The following TMEM45B variants were observed in gnomAD, a reference collection of about 807,000 sequenced individuals.
TMEM45B encodes the protein transmembrane protein 45B.
In TMEM45B, 29 loss-of-function variants were observed where a neutral mutation model predicts 27.3. The observed-to-expected ratio is 1.06, with a 90% CI of 0.79 to 1.45. The LOEUF is 1.45. TMEM45B is among the 40% of genes most tolerant of loss of function. The pLI is 0.00. For missense variants in TMEM45B, 348 were observed against 343.9 expected (o/e 1.01, Z -0.09); for synonymous variants, 143 against 134.7 (o/e 1.06, Z -0.43).
At chr11:129,853,808 G>T (rs1947882452) in intron 2 of TMEM45B, among the ~76,000 whole-genome samples, 3 of 152,204 alleles carry the variant, frequency 2.0e-5, no homozygotes, top group Admixed American at 2.0e-4. Context: ...GGTCTGGCTT[G>T]AGAAACAAGT....
chr11:129,839,764 G>C (rs934117621), intron 1 of TMEM45B, among the ~76,000 whole-genome samples: 3 of 152,102 alleles, frequency 2.0e-5, no homozygotes, highest in African/African-American at 7.2e-5. Flanking sequence ...TGAACACCTG[G>C]GCTCAAGCAA....
At chr11:129,830,668 G>A (rs1312505598) in intron 1 of TMEM45B, among the ~76,000 whole-genome samples, 2 of 152,172 alleles carry the variant, frequency 1.3e-5, no homozygotes, top group South Asian at 4.1e-4. Context: ...CAATGTATTT[G>A]AGTAGGCATT....
intron 1 of TMEM45B, among the ~76,000 whole-genome samples, chr11:129,833,065 A>C (rs7926288): frequency 0.019 from 2,893 of 151,842 alleles, 35 homozygotes; most frequent in Non-Finnish European, 0.029. Context: ...AACATGGTGA[A>C]ACCCCATCTC....
chr11:129,839,005 G>A (rs1409565792), intron 1 of TMEM45B, among the ~76,000 whole-genome samples: 2 of 152,022 alleles, frequency 1.3e-5, no homozygotes, highest in Admixed American at 6.6e-5. Context: ...TCTCTCTTCT[G>A]TGACTCTGCT....
In TMEM45B at chr11:129,845,355, G is replaced by GTT. The variant is rs1312385527; in HGVS notation, c.-8-7119_-8-7118insTT. ...ATTATAGATGTGTGTGTGTGTGTGT[G>GTT]TGTGTGTGTGTGTATGCATGAAGGA... On this transcript the variant is annotated intron_variant, in intron 1 of 5. Coordinates refer to ENST00000281441, the MANE Select transcript of TMEM45B (RefSeq NM_138788.5). Among the ~76,000 whole-genome samples the GTT allele has an allele frequency of 4.7e-5, 7 of 150,478 alleles. 1 individual carries two copies. The highest frequency in any genetic ancestry group is 4.2e-4 in the South Asian group (2 of 4,742).
At chr11:129,832,745 G>A (rs1397444741) in intron 1 of TMEM45B, among the ~76,000 whole-genome samples, 2 of 152,246 alleles carry the variant, frequency 1.3e-5, no homozygotes, top group East Asian at 3.9e-4. Context: ...TATGTCATTA[G>A]GAGTGGGTTT....
At chr11:129,827,583 C>G (rs907357857) in intron 1 of TMEM45B, among the ~76,000 whole-genome samples, 1 of 152,058 alleles carries the variant, frequency 6.6e-6, no homozygotes, top group Non-Finnish European at 1.5e-5. Context: ...GCAGGCAGAT[C>G]ACGTGAGGTC....
At chr11:129,828,265 C>G (rs1335496938) in intron 1 of TMEM45B, 1 of 152,198 alleles carries the variant, frequency 6.6e-6, no homozygotes, top group Non-Finnish European at 1.5e-5. Flanking sequence ...TAACAGAATT[C>G]TTTTTCATAG....
At chr11:129,846,304 C>A (rs1947759833) in intron 1 of TMEM45B, among the ~76,000 whole-genome samples, 1 of 152,130 alleles carries the variant, frequency 6.6e-6, no homozygotes, top group African/African-American at 2.4e-5. Context: ...CCTGTCTCTA[C>A]TAAAAATACA....
intron 1 of TMEM45B, among the ~76,000 whole-genome samples, chr11:129,817,927 GC>G (rs1251791907): frequency 6.6e-6 from 1 of 152,136 alleles, no homozygotes; most frequent in African/African-American, 2.4e-5. Context: ...CCTTGCTATT[GC>G]AAAACTTTTT....
chr11:129,815,861 G>C lies in TMEM45B; in HGVS notation c.-46G>C, dbSNP rs1392310439. On this transcript the variant is annotated 5_prime_UTR_variant, in exon 1 of 6. Coordinates refer to ENST00000281441, the MANE Select transcript of TMEM45B (RefSeq NM_138788.5). ...TTCTGGGCGGACGCACTTGGCGCGC[G>C]GCGCGGGCTGCAGACGGCTGCGAGG... The C allele has an allele frequency of 1.1e-5, 15 of 1,308,936 alleles. No homozygotes were observed. Among genetic ancestry groups the C allele is most frequent in the Non-Finnish European group, 1.4e-5 (15 of 1,037,402 alleles). 81.1% of individuals were successfully genotyped at this position (1,308,936 alleles called of 1,614,324 possible). A position where few individuals can be genotyped will look rare whatever the true frequency, so the allele number is the denominator to read the frequency against.
chr11:129,830,196 G>C (rs541719366), intron 1 of TMEM45B, among the ~76,000 whole-genome samples: 2 of 152,132 alleles, frequency 1.3e-5, no homozygotes, highest in African/African-American at 2.4e-5. Context: ...GTGTGGTGGC[G>C]CATGCCTGTA....
rs1187040126 is a variant in TMEM45B at position 129,858,790 on chromosome 11, A to G, written c.*105A>G. The G allele has an allele frequency of 4.0e-6, 3 of 755,808 alleles. No homozygotes were observed. The highest frequency in any genetic ancestry group is 6.3e-6 in the Non-Finnish European group (3 of 475,790). 46.8% of individuals were successfully genotyped at this position (755,808 alleles called of 1,614,324 possible). On this transcript the variant is annotated 3_prime_UTR_variant, in exon 6 of 6. Transcript: ENST00000281441. ...GTGGTCTGATCTTAAGGGTCTATAT[A>G]TTTGCACCTCCTCATTCAACACAGG...
intron 1 of TMEM45B, among the ~76,000 whole-genome samples, chr11:129,834,091 G>T (rs1947587380): frequency 6.6e-6 from 1 of 152,288 alleles, no homozygotes; most frequent in South Asian, 2.1e-4. Context: ...GTTTGGAGGT[G>T]CATGTTGGAA....
intron 1 of TMEM45B, among the ~76,000 whole-genome samples, chr11:129,849,932 A>ATTTTCCGAAATGC (rs1565371866): frequency 4.7e-4 from 72 of 152,188 alleles, no homozygotes; most frequent in African/African-American, 1.5e-3. Flanking sequence ...TTCCGAAATG[A>ATTTTCCGAAATGC]CTTTGGGGTC....
intron 5 of TMEM45B, among the ~76,000 whole-genome samples, chr11:129,858,237 G>A (rs939517635): frequency 3.9e-5 from 6 of 152,114 alleles, no homozygotes; most frequent in Admixed American, 2.6e-4. Flanking sequence ...CAAAAGTAAC[G>A]GTGATTTTTG....
intron 2 of TMEM45B, among the ~76,000 whole-genome samples, chr11:129,853,195 ACTCTGC>A (rs1387041633): frequency 6.6e-5 from 10 of 152,190 alleles, no homozygotes; most frequent in Admixed American, 2.0e-4. Context: ...ATTTTCCTTC[ACTCTGC>A]CCCATTCCAA....
At chr11:129,842,519 G>T (rs181114867) in intron 1 of TMEM45B, among the ~76,000 whole-genome samples, 2 of 152,266 alleles carry the variant, frequency 1.3e-5, no homozygotes, top group East Asian at 1.9e-4. Flanking sequence ...CTTCTACAAG[G>T]TGTCAAGAAC....
chr11:129,844,392 T>C (rs1335431679), intron 1 of TMEM45B, among the ~76,000 whole-genome samples: 2 of 152,200 alleles, frequency 1.3e-5, no homozygotes, highest in African/African-American at 4.8e-5. Flanking sequence ...CTATCATTAA[T>C]AATAATATAC....
Sources: allele counts gnomAD v4.1 joint callset (sites outside exome capture counted in the v4.1 genomes callset), GRCh38; gene constraint gnomAD v4.1.1; transcripts MANE v1.5; gene names NCBI Gene and HGNC (gene_info 2026-07-23, HGNC 2026-07-21).